RHOBTB2: variants seen among roughly 807,000 people sequenced by gnomAD.
The protein encoded by RHOBTB2 is rho-related BTB domain-containing protein 2.
In RHOBTB2, 39 loss-of-function variants were observed where a neutral mutation model predicts 66.5. That is an observed-to-expected ratio of 0.59 (90% CI 0.45 to 0.77). The LOEUF is 0.77. Ranked by LOEUF, RHOBTB2 falls within the 30% of genes least tolerant of loss-of-function variation. The pLI is 0.00. For synonymous variants in RHOBTB2, 390 were observed against 395.0 expected (o/e 0.99, Z 0.15); for missense variants, 755 against 999.1 (o/e 0.76, Z 3.29).
At chr8:22,996,549 GTGTGTGTGTGTGTGTGTGTC>G (rs879738836), upstream of RHOBTB2, among the ~76,000 whole-genome samples, 308 of 130,166 alleles carry the variant, frequency 2.4e-3, 2 homozygotes, top group Middle Eastern at 7.5e-3. Flanking sequence ...GTGTGTGTGT[GTGTGTGTGTGTGTGTGTGTC>G]TGTGTGTCTG....
At chr8:22,995,732 T>TC (rs1585182317), upstream of RHOBTB2, 1 of 945,716 alleles carries the variant, frequency 1.1e-6, no homozygotes, top group Non-Finnish European at 1.7e-6. Context: ...CATGGCTGGT[T>TC]CTGAACTTTG....
chr8:22,997,168 G>A (rs898021060), upstream of RHOBTB2, among the ~76,000 whole-genome samples: 5 of 152,146 alleles, frequency 3.3e-5, no homozygotes, highest in African/African-American at 1.2e-4. Context: ...GGCCTAGGGT[G>A]GGACATGGAT....
chr8:22,956,581 T>TAA, the RHOBTB2 span, among the ~76,000 whole-genome samples: 1 of 152,184 alleles, frequency 6.6e-6, no homozygotes, highest in African/African-American at 2.4e-5. Flanking sequence ...GCATCATGCT[T>TAA]CCTGTACAGC....
At position 23,008,085 on chromosome 8, in the gene RHOBTB2, C is replaced by T; in HGVS notation, c.1594C>T (p.Pro532Ser). ...CTGGATGGCTGCCATGTTTGGGGGG[C>T]CATTTGTGGAGAGCTCCACCCGGGA... ...CDWMAAMFGG[P>S]FVESSTREVV... Residue 532 changes from proline to serine, a missense_variant, in exon 6 of 10, where the codon CCA becomes TCA. Physicochemically the swap from Pro to Ser is moderately conservative, Grantham distance 74. This residue lies in a region of RHOBTB2 where 353 missense variants were observed against 458.2 expected (regional missense o/e 0.77). Transcript: ENST00000251822. 6.2e-7 allele frequency: 1 copy of T among 1,612,172 alleles called. No homozygotes were observed. Among genetic ancestry groups the T allele is most frequent in the Non-Finnish European group, 8.5e-7 (1 of 1,179,356 alleles).
chr8:22,975,086 G>A, the RHOBTB2 span, among the ~76,000 whole-genome samples: 3 of 152,064 alleles, frequency 2.0e-5, no homozygotes, highest in East Asian at 1.9e-4. Context: ...CATGGGAGGC[G>A]CCTCCTCTCT....
the RHOBTB2 span, among the ~76,000 whole-genome samples, chr8:22,960,948 C>T: frequency 6.6e-6 from 1 of 152,158 alleles, no homozygotes; most frequent in South Asian, 2.1e-4. Context: ...GCCCTGATCC[C>T]CTACTTGTTA....
At chr8:23,005,333 C>A in intron 2 of RHOBTB2, 39 bp from the exon 3 acceptor site, 1 of 1,523,176 alleles carries the variant, frequency 6.6e-7, no homozygotes, top group Non-Finnish European at 9.1e-7. Flanking sequence ...GTCCCCAAAA[C>A]TGCTGCCTTC....
chr8:22,994,696 G>A (rs1303764694), upstream of RHOBTB2: 2 of 1,409,784 alleles, frequency 1.4e-6, no homozygotes, highest in Non-Finnish European at 2.0e-6. Flanking sequence ...CATCCATCGA[G>A]CATTTATTAA....
In RHOBTB2 at chr8:23,007,324, C is replaced by T. The variant is rs1486562999; in HGVS notation, c.1079C>T (p.Ala360Val). ...SVDEAGGSGP[A>V]GLRASTSDGI... ...GATGAGGCTGGGGGCTCCGGTCCTG[C>T]TGGCCTCCGTGCTTCCACCAGCGAC... Residue 360 changes from alanine (A) to valine (V), a missense_variant, in exon 5 of 10, where the codon GCT (alanine) becomes GTT (valine). Ala to Val is a moderately conservative substitution (Grantham distance 64). This residue lies in a region of RHOBTB2 where 247 missense variants were observed against 238.9 expected (regional missense o/e 1.03). Coordinates refer to ENST00000251822, the MANE Select transcript of RHOBTB2 (RefSeq NM_015178.3). 5 of 1,613,566 alleles carry T rather than the reference C, an allele frequency of 3.1e-6. No individual in the cohort carries two copies. Among genetic ancestry groups the T allele is most frequent in the Non-Finnish European group, 3.4e-6 (4 of 1,179,824 alleles).
intron 7 of RHOBTB2, among the ~76,000 whole-genome samples, 193 bp from the exon 8 acceptor site, chr8:23,014,497 G>C (rs757973870): frequency 2.0e-5 from 3 of 152,170 alleles, no homozygotes; most frequent in Non-Finnish European, 2.9e-5. Context: ...ACCCTACCCC[G>C]TTGAGCTCTT....
chr8:22,998,039 T>C (rs758474930), upstream of RHOBTB2, among the ~76,000 whole-genome samples: 12 of 152,150 alleles, frequency 7.9e-5, no homozygotes, highest in Non-Finnish European at 1.8e-4. Flanking sequence ...TGTCAGTCAT[T>C]GTTAACCTCT....
the RHOBTB2 span, among the ~76,000 whole-genome samples, chr8:22,966,149 A>G: frequency 6.6e-5 from 10 of 151,356 alleles, no homozygotes; most frequent in Admixed American, 5.9e-4. Context: ...TCAGGAGTTC[A>G]AGACCAGCCT....
At chr8:22,961,808 G>A in the RHOBTB2 span, among the ~76,000 whole-genome samples, 1 of 152,068 alleles carries the variant, frequency 6.6e-6, no homozygotes, top group Non-Finnish European at 1.5e-5. Flanking sequence ...AGCAGTTATG[G>A]GGACTCTTTT....
chr8:22,961,938 A>G, the RHOBTB2 span, among the ~76,000 whole-genome samples: 6 of 152,210 alleles, frequency 3.9e-5, no homozygotes, highest in African/African-American at 1.4e-4. Context: ...GCATAATACT[A>G]TGCTGATACA....
chr8:22,997,645 T>C (rs1336067984), upstream of RHOBTB2, among the ~76,000 whole-genome samples: 3 of 152,198 alleles, frequency 2.0e-5, no homozygotes, highest in African/African-American at 7.2e-5. Flanking sequence ...CACCCTCTCC[T>C]GCTTCATGAC....
At chr8:22,951,244 C>CTTTTTTTTTTTTTTT in the RHOBTB2 span, among the ~76,000 whole-genome samples, 1 of 87,982 alleles carries the variant, frequency 1.1e-5, no homozygotes, top group Non-Finnish European at 2.0e-5. Flanking sequence ...CTACTTAGCT[C>CTTTTTTTTTTTTTTT]TTTTTTTTTT....
upstream of RHOBTB2, chr8:22,995,933 G>A: frequency 6.5e-7 from 1 of 1,528,464 alleles, no homozygotes; most frequent in South Asian, 1.2e-5. Context: ...GAAGCAAAGG[G>A]AAGGTGCAGG....
intron 2 of RHOBTB2, among the ~76,000 whole-genome samples, chr8:22,993,901 G>T (rs1018527108): frequency 2.6e-5 from 4 of 152,214 alleles, no homozygotes; most frequent in Non-Finnish European, 5.9e-5. Context: ...ACCATTTAAA[G>T]AAACTGAAGG....
chr8:23,014,279 C>G (rs1026861997), intron 7 of RHOBTB2, among the ~76,000 whole-genome samples: 1 of 152,166 alleles, frequency 6.6e-6, no homozygotes, highest in African/African-American at 2.4e-5. Flanking sequence ...TAAATTAAAA[C>G]AAACAACTAG....
Sources: allele counts gnomAD v4.1 joint callset (sites outside exome capture counted in the v4.1 genomes callset), GRCh38; gene constraint gnomAD v4.1.1; regional missense constraint gnomAD v4.1.1; transcripts MANE v1.5; gene names NCBI Gene and HGNC (gene_info 2026-07-23, HGNC 2026-07-21).